The following CACNA1A variants were observed in gnomAD, a reference collection of about 807,000 sequenced individuals.
CACNA1A encodes calcium voltage-gated channel subunit alpha1 A.
Under a neutral mutation model 262.4 loss-of-function variants are expected in CACNA1A, and 57 were observed. The observed-to-expected ratio is 0.22, with a 90% CI of 0.18 to 0.27. CACNA1A has a LOEUF of 0.27. Among genes scored for constraint, CACNA1A ranks in the 10% least tolerant of loss-of-function variants. The pLI is 1.00. For missense variants in CACNA1A, 2,526 were observed against 3,562.8 expected (o/e 0.71, Z 7.41); for synonymous variants, 1,431 against 1,419.3 (o/e 1.01, Z -0.18).
rs2054632770 is a variant in CACNA1A, at chr19:13,208,025, G to A, written c.6809C>T (p.Ala2270Val). 7.7e-7 allele frequency: 1 copy of A among 1,307,020 alleles called. No individual in the cohort carries two copies. The highest frequency in any genetic ancestry group is 3.1e-5 in the East Asian group (1 of 32,166). 81.0% of individuals were successfully genotyped at this position (1,307,020 alleles called of 1,614,324 possible). A position where few individuals can be genotyped will look rare whatever the true frequency, so the allele number is the denominator to read the frequency against. ...QGSSSVSGSP[A>V]PSTSGTSTPR... ...AGTGCTGGTACCAGATGTTGAGGGGGCTGGGCTTCCACTTACGGAACTACT... is the reference window on the plus strand; with the variant it reads ...AGTGCTGGTACCAGATGTTGAGGGGACTGGGCTTCCACTTACGGAACTACT... The change falls in exon 47 of 47, where the codon GCC becomes GTC. Residue 2270 changes from alanine (A) to valine (V), a missense_variant. Transcript: ENST00000360228.
At position 13,212,265 on chromosome 19, in the gene CACNA1A, G is replaced by T; in HGVS notation, c.6190-49C>A. 6.3e-7 allele frequency: 1 copy of T among 1,587,862 alleles called. No individual in the cohort carries two copies. The highest frequency in any genetic ancestry group is 8.6e-7 in the Non-Finnish European group (1 of 1,157,684). ...GATGAGCTCTGGGGCCTGACCTCCA[G>T]ATCCCTGGTGTCTGCAGAGGGAGGG... On this transcript the variant is annotated intron_variant, in intron 42 of 46. Coordinates refer to ENST00000360228, the MANE Select transcript of CACNA1A (RefSeq NM_001127222.2). The surrounding 1 kb of genome is among the most constrained non-coding windows in gnomAD (Gnocchi z 5.6).
chr19:13,289,595 A>G (rs2057487353), intron 19 of CACNA1A, among the ~76,000 whole-genome samples: 1 of 152,114 alleles, frequency 6.6e-6, no homozygotes, highest in Non-Finnish European at 1.5e-5. Flanking sequence ...GACCTTCTTT[A>G]CCACATAATC....
chr19:13,222,377 A>C (rs2055264598), intron 38 of CACNA1A, among the ~76,000 whole-genome samples: 1 of 140,624 alleles, frequency 7.1e-6, no homozygotes, highest in African/African-American at 2.7e-5. Context: ...GTGAGCCACC[A>C]TGTCCAGCCT....
intron 6 of CACNA1A, among the ~76,000 whole-genome samples, chr19:13,356,614 C>T (rs1382819541): frequency 6.6e-6 from 1 of 152,204 alleles, no homozygotes; most frequent in Admixed American, 6.5e-5. Flanking sequence ...TCTGAACCCC[C>T]AGACGCTTTC....
intron 17 of CACNA1A, among the ~76,000 whole-genome samples, chr19:13,301,682 CAAAGA>C (rs2057792677): frequency 6.6e-6 from 1 of 152,220 alleles, no homozygotes; most frequent in African/African-American, 2.4e-5. Flanking sequence ...AAAGAAAAAG[CAAAGA>C]AAAGGCAACG....
intron 25 of CACNA1A, chr19:13,262,465 A>G (rs2056755926): frequency 2.5e-6 from 1 of 394,778 alleles, no homozygotes; most frequent in South Asian, 3.9e-5. Flanking sequence ...AATCCATATG[A>G]TGCCTTCATG....
In CACNA1A at chr19:13,212,426, T is replaced by G. The variant is rs750390855; in HGVS notation, c.6147A>C (p.Gln2049His). 1.2e-6 allele frequency: 2 copies of G among 1,613,130 alleles called. No individual in the cohort carries two copies. Among genetic ancestry groups the G allele is most frequent in the Non-Finnish European group, 1.7e-6 (2 of 1,179,612 alleles). The part of the protein sequence containing the change: ...FQKTGTWSPE[Q>H]GPPTDMPNSQ... Reference sequence around the variant, plus strand: ...TGTTGGGCATGTCGGTAGGGGGGCCTTGTTCCGGACTCCATGTGCCCGTCT... The same window carrying G: ...TGTTGGGCATGTCGGTAGGGGGGCCGTGTTCCGGACTCCATGTGCCCGTCT... The change falls in exon 42 of 47, where the codon CAA becomes CAC. Residue 2049 changes from glutamine (Q) to histidine (H), a missense_variant. Gln to His is a conservative substitution (Grantham distance 24). This residue lies in a region of CACNA1A where 929 missense variants were observed against 868.1 expected (regional missense o/e 1.07). Coordinates refer to ENST00000360228, the MANE Select transcript of CACNA1A (RefSeq NM_001127222.2). This position sits in a 1 kb window ranked among gnomAD's most constrained non-coding sequence, Gnocchi z 5.6.
At chr19:13,388,245 CTTTTTTTTTT>C (rs1161893626) in intron 3 of CACNA1A, among the ~76,000 whole-genome samples, 3,506 of 85,738 alleles carry the variant, frequency 0.041, 50 homozygotes, top group Non-Finnish European at 0.055. Flanking sequence ...TCTTCCTCTT[CTTTTTTTTTT>C]TTTTTTTTTT....
chr19:13,228,841 G>T, intron 36 of CACNA1A: 2 of 1,081,878 alleles, frequency 1.8e-6, no homozygotes, highest in Non-Finnish European at 1.4e-6. Context: ...GGGTTCACAC[G>T]GGCTCCCTGG....
intron 3 of CACNA1A, among the ~76,000 whole-genome samples, chr19:13,395,487 C>T (rs530435048): frequency 4.0e-5 from 6 of 151,526 alleles, no homozygotes; most frequent in Non-Finnish European, 8.8e-5. Flanking sequence ...TGGTGCTTAC[C>T]TGTAGTCCCA....
chr19:13,313,990 C>A (rs891075015), intron 11 of CACNA1A, among the ~76,000 whole-genome samples: 1 of 152,120 alleles, frequency 6.6e-6, no homozygotes, highest in Non-Finnish European at 1.5e-5. Context: ...TTGTGAGTGA[C>A]CTAAAAAGTC....
intron 6 of CACNA1A, among the ~76,000 whole-genome samples, chr19:13,342,352 CT>C (rs570397959): frequency 9.6e-4 from 146 of 152,280 alleles, no homozygotes; most frequent in African/African-American, 3.5e-3. Context: ...TGGTTCTCAT[CT>C]CTTCTTTGGC....
intron 3 of CACNA1A, among the ~76,000 whole-genome samples, chr19:13,394,730 C>T (rs1218091597): frequency 6.6e-6 from 1 of 152,138 alleles, no homozygotes; most frequent in East Asian, 1.9e-4. Flanking sequence ...TGTTGGGGCT[C>T]AGAAAACAAT....
At position 13,378,321 on chromosome 19, in the gene CACNA1A, A is replaced by G. The variant is rs528821144; in HGVS notation, c.540-6542T>C. 7.2e-5 allele frequency among the ~76,000 whole-genome samples: 11 copies of G among 152,340 alleles called. 1 individual carries two copies. The highest frequency in any genetic ancestry group is 2.4e-4 in the African/African-American group (10 of 41,584). On this transcript the variant is annotated intron_variant, in intron 3 of 46. Coordinates refer to ENST00000360228, the MANE Select transcript of CACNA1A (RefSeq NM_001127222.2). ...TGAACACTGTTAAAATGACAACATG[A>G]GATTTAGAATATGACATAAACTTAG...
intron 1 of CACNA1A, among the ~76,000 whole-genome samples, chr19:13,488,707 T>G (rs1422566934): frequency 6.6e-6 from 1 of 151,866 alleles, no homozygotes; most frequent in Non-Finnish European, 1.5e-5. Context: ...GCCTCAGCAT[T>G]TTTAAAGCTT....
chr19:13,329,631 G>A (rs781523197), intron 10 of CACNA1A, among the ~76,000 whole-genome samples: 3 of 151,396 alleles, frequency 2.0e-5, no homozygotes, highest in African/African-American at 4.9e-5. Flanking sequence ...TGGAACTACA[G>A]GCTAATTTTT....
chr19:13,331,867 C>T (rs1005526872), intron 9 of CACNA1A, among the ~76,000 whole-genome samples: 1 of 151,972 alleles, frequency 6.6e-6, no homozygotes, highest in African/African-American at 2.4e-5. Context: ...ATTATGTTGC[C>T]CAGGCTGGTC....
At chr19:13,475,816 A>C (rs1180770795) in intron 1 of CACNA1A, among the ~76,000 whole-genome samples, 1 of 152,206 alleles carries the variant, frequency 6.6e-6, no homozygotes, top group East Asian at 1.9e-4. Flanking sequence ...CAAGTAAGGG[A>C]GAAATAAAAG....
chr19:13,452,759 A>C, intron 3 of CACNA1A, 117 bp downstream of exon 3: 1 of 894,264 alleles, frequency 1.1e-6, no homozygotes, highest in Non-Finnish European at 1.7e-6. Context: ...GGCGCATAAC[A>C]AGGGGAGGGA....
Sources: allele counts gnomAD v4.1 joint callset (sites outside exome capture counted in the v4.1 genomes callset), GRCh38; gene constraint gnomAD v4.1.1; regional missense constraint gnomAD v4.1.1; non-coding constraint Gnocchi (gnomAD v3.1); transcripts MANE v1.5; gene names NCBI Gene and HGNC (gene_info 2026-07-23, HGNC 2026-07-21).